DMD: variants seen among roughly 807,000 people sequenced by gnomAD.
The protein encoded by DMD is mutant dystrophin.
DMD carries 63 observed loss-of-function variants against 330.1 expected under a neutral mutation model. That is an observed-to-expected ratio of 0.19 (90% CI 0.16 to 0.24). The LOEUF (loss-of-function observed/expected upper bound fraction) is 0.24, where lower values mean the gene tolerates loss of function less well. Among genes scored for constraint, DMD ranks in the 10% least tolerant of loss-of-function variants. The pLI is 1.00. For missense variants in DMD, 3,344 were observed against 2,684.1 expected, an observed-to-expected ratio of 1.25 and a Z score of -5.43; for synonymous variants, 1,223 against 959.8, an observed-to-expected ratio of 1.27 and a Z score of -5.07.
intron 49 of DMD, among the ~76,000 whole-genome samples, chrX:31,821,993 T>A (rs1438081599): frequency 8.9e-6 from 1 of 112,411 alleles, no homozygotes; most frequent in African/African-American, 3.2e-5. Flanking sequence ...ATCATTTCAA[T>A]GAAACCATTA....
chrX:31,906,680 G>C (rs2094482351), intron 47 of DMD, among the ~76,000 whole-genome samples: 1 of 111,676 alleles, frequency 9.0e-6, no homozygotes, highest in Non-Finnish European at 1.9e-5. Flanking sequence ...TAGTAAAACT[G>C]TACAGTGAAT....
chrX:31,715,828 T>G (rs2085003657), intron 52 of DMD, among the ~76,000 whole-genome samples: 1 of 111,337 alleles, frequency 9.0e-6, no homozygotes, highest in South Asian at 3.8e-4. Flanking sequence ...CTTCTGGCTT[T>G]TTGTTTGCTT....
At chrX:31,499,924 G>A (rs1456107719) in intron 56 of DMD, among the ~76,000 whole-genome samples, 2 of 112,136 alleles carry the variant, frequency 1.8e-5, no homozygotes, top group African/African-American at 6.5e-5. Flanking sequence ...CTCAAAAGAC[G>A]AAAAGCTCTC....
At chrX:32,792,215 C>T (rs1348694332) in intron 7 of DMD, among the ~76,000 whole-genome samples, 4 of 111,376 alleles carry the variant, frequency 3.6e-5, no homozygotes, top group Non-Finnish European at 7.5e-5. Flanking sequence ...CACCATGATA[C>T]TGGCCTTACA....
intron 60 of DMD, among the ~76,000 whole-genome samples, chrX:31,415,076 GTT>G (rs1214158549): frequency 8.9e-6 from 1 of 112,148 alleles, no homozygotes; most frequent in African/African-American, 3.2e-5. Context: ...AAGAGAAACA[GTT>G]TGGAATTCAG....
At chrX:31,420,552 G>C (rs2063314923) in intron 60 of DMD, among the ~76,000 whole-genome samples, 1 of 112,338 alleles carries the variant, frequency 8.9e-6, no homozygotes, top group African/African-American at 3.2e-5. Flanking sequence ...TAGCAAGTTA[G>C]TTTTAAAGAA....
chrX:32,794,446 G>A (rs970447865), intron 7 of DMD, among the ~76,000 whole-genome samples: 67 of 110,992 alleles, frequency 6.0e-4, no homozygotes, highest in Admixed American at 1.9e-4. Context: ...AAAATTAGCC[G>A]GGCATGGTGG....
intron 7 of DMD, among the ~76,000 whole-genome samples, chrX:32,764,957 GTTT>G (rs35691071): frequency 0.44 from 40,074 of 91,689 alleles, 7,616 homozygotes; most frequent in African/African-American, 0.67. Context: ...TATTTTCTGG[GTTT>G]TTTTTTTTTT....
At chrX:32,578,512 T>C (rs1487055218) in intron 13 of DMD, among the ~76,000 whole-genome samples, 1 of 112,116 alleles carries the variant, frequency 8.9e-6, no homozygotes, top group African/African-American at 3.2e-5. Flanking sequence ...CCCATTTAAT[T>C]CACATGTCAT....
At chrX:32,519,274 A>G (rs941632052) in intron 17 of DMD, among the ~76,000 whole-genome samples, 1 of 108,954 alleles carries the variant, frequency 9.2e-6, no homozygotes, top group Non-Finnish European at 1.9e-5. Context: ...AAAAAAAAAA[A>G]AAAAAAAAAA....
chrX:32,801,403 T>C (rs1417813565), intron 7 of DMD, among the ~76,000 whole-genome samples: 2 of 112,054 alleles, frequency 1.8e-5, no homozygotes, highest in African/African-American at 6.5e-5. Flanking sequence ...TTGTAGATTC[T>C]GGATATTAGC....
chrX:32,553,060 T>A (rs1270907732), intron 16 of DMD, among the ~76,000 whole-genome samples: 1 of 111,776 alleles, frequency 8.9e-6, no homozygotes, highest in Non-Finnish European at 1.9e-5. Context: ...GCAATAACAA[T>A]TATTGGGTAT....
At chrX:31,653,513 T>C (rs745419123) in intron 54 of DMD, among the ~76,000 whole-genome samples, 1 of 110,115 alleles carries the variant, frequency 9.1e-6, no homozygotes, top group Non-Finnish European at 1.9e-5. Flanking sequence ...CTTGATGAGT[T>C]TGTACCTGGC....
intron 9 of DMD, among the ~76,000 whole-genome samples, chrX:32,652,789 A>G (rs1333827763): frequency 9.0e-6 from 1 of 111,655 alleles, no homozygotes; most frequent in Non-Finnish European, 1.9e-5. Flanking sequence ...ACAGTGTAAA[A>G]GTGCTCTTAT....
At chrX:31,511,244 T>C (rs1287325986) in intron 55 of DMD, among the ~76,000 whole-genome samples, 7 of 107,776 alleles carry the variant, frequency 6.5e-5, no homozygotes, top group Non-Finnish European at 1.3e-4. Flanking sequence ...ATACATAATA[T>C]AATATAATAT....
At chrX:32,762,188 A>G (rs1002788588) in intron 7 of DMD, among the ~76,000 whole-genome samples, 6 of 109,522 alleles carry the variant, frequency 5.5e-5, no homozygotes, top group Admixed American at 1.9e-4. Flanking sequence ...ATCAAAAAAA[A>G]CAAAAAAACC....
chrX:32,579,644 T>A (rs781437781), intron 13 of DMD, among the ~76,000 whole-genome samples: 2 of 113,094 alleles, frequency 1.8e-5, no homozygotes, highest in Middle Eastern at 4.6e-3. Context: ...TAATCTAATC[T>A]GCTTCACAAG....
intron 18 of DMD, among the ~76,000 whole-genome samples, chrX:32,504,495 C>T (rs1166916777): frequency 9.1e-6 from 1 of 109,817 alleles, no homozygotes; most frequent in Non-Finnish European, 1.9e-5. Flanking sequence ...GGCATGGTGG[C>T]AGGCACCTAT....
chrX:32,795,626 A>G (rs1426132871), intron 7 of DMD, among the ~76,000 whole-genome samples: 1 of 112,200 alleles, frequency 8.9e-6, no homozygotes, highest in Non-Finnish European at 1.9e-5. Flanking sequence ...GACTGTAGAA[A>G]ATGAAAGAGC....
Sources: allele counts gnomAD v4.1 joint callset (sites outside exome capture counted in the v4.1 genomes callset), GRCh38; gene constraint gnomAD v4.1.1; transcripts MANE v1.5; gene names NCBI Gene and HGNC (gene_info 2026-07-23, HGNC 2026-07-21).